The following WDR7 variants were observed in gnomAD, a reference collection of about 807,000 sequenced individuals.
WDR7 encodes the protein WD repeat-containing protein 7.
A neutral mutation model predicts 169.4 loss-of-function variants in WDR7; 46 were observed. The ratio of observed to expected loss-of-function variants is 0.27; its 90% confidence interval spans 0.21 to 0.35. The LOEUF (loss-of-function observed/expected upper bound fraction) is 0.35, where lower values mean the gene tolerates loss of function less well. Ranked by LOEUF, WDR7 falls within the 10% of genes least tolerant of loss-of-function variation. The pLI, the probability that WDR7 is intolerant of heterozygous loss-of-function variation, is 1.00. For synonymous variants in WDR7, 612 were observed against 666.8 expected, an observed-to-expected ratio of 0.92 and a Z score of 1.27; for missense variants, 1,534 against 1,859.3, an observed-to-expected ratio of 0.83 and a Z score of 3.22.
intron 26 of WDR7, among the ~76,000 whole-genome samples, chr18:57,014,771 A>C (rs1180807308): frequency 1.3e-5 from 2 of 152,144 alleles, no homozygotes; most frequent in Non-Finnish European, 2.9e-5. Context: ...GCTTGGAGAG[A>C]GTTTAAGGAA....
chr18:56,983,115 G>A (rs999874393), intron 26 of WDR7, among the ~76,000 whole-genome samples: 5 of 152,158 alleles, frequency 3.3e-5, no homozygotes, highest in African/African-American at 1.2e-4. Flanking sequence ...GGTGTGAAGG[G>A]ACAACAAGGG....
At chr18:56,879,793 C>A in intron 20 of WDR7, 151 bp from the exon 21 acceptor site, 16 of 492,790 alleles carry the variant, frequency 3.2e-5, no homozygotes, top group East Asian at 2.0e-4. Flanking sequence ...TGTCTAAATT[C>A]ATCCTTTTGC....
At chr18:56,890,307 G>A (rs1032804152) in intron 21 of WDR7, among the ~76,000 whole-genome samples, 1 of 152,068 alleles carries the variant, frequency 6.6e-6, no homozygotes, top group Admixed American at 6.6e-5. Context: ...TTATTTTGTT[G>A]TAGTGTACTT....
At chr18:56,959,916 G>A (rs1392455152) in intron 25 of WDR7, among the ~76,000 whole-genome samples, 2 of 152,296 alleles carry the variant, frequency 1.3e-5, no homozygotes, top group East Asian at 3.9e-4. Context: ...GTGGGCTCTG[G>A]AAGCCTCAGC....
At chr18:56,963,126 A>G (rs1001010696) in intron 26 of WDR7, among the ~76,000 whole-genome samples, 2 of 152,186 alleles carry the variant, frequency 1.3e-5, no homozygotes, top group Non-Finnish European at 2.9e-5. Flanking sequence ...CTCAATATAT[A>G]CCAGTTGGGA....
rs763259583 is a variant in WDR7, at chr18:57,027,138, C to T, written c.4404C>T (p.Leu1468=). ...GSHNALKLAR[L]IWTSNRNVIL... ...ACAATGCCCTCAAGCTGGCCCGGCT[C>T]ATCTGGACTTCCAACCGCAACGTCA... The change falls in exon 28 of 28, where the codon CTC becomes CTT. Residue 1468 remains leucine (L), a synonymous_variant. Coordinates refer to ENST00000254442, the MANE Select transcript of WDR7 (RefSeq NM_015285.3). The T allele has an allele frequency of 7.4e-6, 12 of 1,614,112 alleles. No homozygotes were observed. The Admixed American group carries it at 1.0e-4, about 13-fold the overall frequency.
intron 26 of WDR7, among the ~76,000 whole-genome samples, chr18:57,012,557 C>T (rs1168748349): frequency 6.6e-6 from 1 of 152,242 alleles, no homozygotes; most frequent in Non-Finnish European, 1.5e-5. Flanking sequence ...CAAGCTCCAG[C>T]ACCGCCACAA....
At chr18:57,001,361 A>G (rs974499790) in intron 26 of WDR7, among the ~76,000 whole-genome samples, 1 of 151,982 alleles carries the variant, frequency 6.6e-6, no homozygotes, top group African/African-American at 2.4e-5. Flanking sequence ...TTGTGGGAGC[A>G]CTGTCGGTTG....
intron 19 of WDR7, among the ~76,000 whole-genome samples, chr18:56,808,857 T>C (rs1023183269): frequency 6.6e-6 from 1 of 152,214 alleles, no homozygotes; most frequent in Non-Finnish European, 1.5e-5. Context: ...AAAAAACTTC[T>C]GAAGTGGCTT....
intron 26 of WDR7, among the ~76,000 whole-genome samples, chr18:56,974,799 A>T (rs2047542069): frequency 6.6e-6 from 1 of 152,220 alleles, no homozygotes; most frequent in Non-Finnish European, 1.5e-5. Flanking sequence ...TGGGTGGGCA[A>T]GGTATTTACA....
intron 20 of WDR7, among the ~76,000 whole-genome samples, chr18:56,868,697 A>G (rs1008924382): frequency 1.3e-5 from 2 of 152,172 alleles, no homozygotes; most frequent in Admixed American, 6.5e-5. Flanking sequence ...GTATAATTTT[A>G]CAAGTCACTA....
At chr18:56,987,930 T>G (rs903670362) in intron 26 of WDR7, among the ~76,000 whole-genome samples, 2 of 152,262 alleles carry the variant, frequency 1.3e-5, no homozygotes, top group Non-Finnish European at 2.9e-5. Context: ...TTTTACATAC[T>G]GTGTGAAAAC....
At chr18:56,800,565 T>C (rs2044655199) in intron 19 of WDR7, among the ~76,000 whole-genome samples, 1 of 151,880 alleles carries the variant, frequency 6.6e-6, no homozygotes, top group Non-Finnish European at 1.5e-5. Context: ...TAGAAAGTGC[T>C]CCACTGAGAT....
intron 19 of WDR7, among the ~76,000 whole-genome samples, chr18:56,798,057 G>A (rs186473979): frequency 6.6e-6 from 1 of 152,290 alleles, no homozygotes; most frequent in East Asian, 1.9e-4. Flanking sequence ...GTTACATGAT[G>A]ATTGGTGCTA....
intron 21 of WDR7, among the ~76,000 whole-genome samples, chr18:56,904,289 C>CT (rs1410931037): frequency 1.3e-5 from 2 of 152,010 alleles, no homozygotes; most frequent in Non-Finnish European, 2.9e-5. Flanking sequence ...AGGCTGGTCT[C>CT]TAACTCCTGA....
chr18:56,939,414 A>T (rs769842649), intron 25 of WDR7, 21 bp downstream of exon 25: 30 of 1,512,274 alleles, frequency 2.0e-5, no homozygotes, highest in Middle Eastern at 1.8e-4. Context: ...CTTCAAGAGC[A>T]TGCAGAATAA....
chr18:56,754,383 GTATATATACGTGTA>G (rs1390672270), intron 14 of WDR7, among the ~76,000 whole-genome samples: 3 of 149,264 alleles, frequency 2.0e-5, no homozygotes, highest in South Asian at 2.1e-4. Flanking sequence ...GTATATATGT[GTATATATACGTGTA>G]TATATACACA....
intron 22 of WDR7, among the ~76,000 whole-genome samples, chr18:56,924,724 T>G (rs1034541850): frequency 6.6e-6 from 1 of 152,362 alleles, no homozygotes; most frequent in South Asian, 2.1e-4. Flanking sequence ...TACTGTTGGT[T>G]TGAAAACTCA....
At chr18:56,902,122 G>A (rs181634904) in intron 21 of WDR7, among the ~76,000 whole-genome samples, 41 of 152,198 alleles carry the variant, frequency 2.7e-4, no homozygotes, top group East Asian at 7.7e-4. Flanking sequence ...TGTGACCTCC[G>A]GAACTGCATA....
Sources: gnomAD v4.1 joint callset for allele counts (sites outside exome capture counted in the v4.1 genomes callset) on GRCh38, gnomAD v4.1.1 for gene constraint, MANE v1.5 for transcripts, NCBI Gene and HGNC (gene_info 2026-07-23, HGNC 2026-07-21) for gene names.